The following PTPRM variants were observed in gnomAD, a reference collection of about 807,000 sequenced individuals.
PTPRM encodes the protein protein tyrosine phosphatase receptor type M, also known as receptor-type tyrosine-protein phosphatase mu.
PTPRM carries 47 observed loss-of-function variants against 186.7 expected under a neutral mutation model. The ratio of observed to expected loss-of-function variants is 0.25; its 90% CI spans 0.20 to 0.32. The LOEUF is 0.32. PTPRM is among the 10% of genes least tolerant of loss of function. The pLI is 1.00. For missense variants in PTPRM, 1,494 were observed against 1,865.0 expected (o/e 0.80, Z 3.66); for synonymous variants, 668 against 674.9 (o/e 0.99, Z 0.16).
chr18:8,017,460 G>C (rs1600092307), intron 7 of PTPRM, among the ~76,000 whole-genome samples: 2 of 151,750 alleles, frequency 1.3e-5, no homozygotes, highest in African/African-American at 2.4e-5. Context: ...ACATGCACCT[G>C]TAATCCCACC....
intron 13 of PTPRM, among the ~76,000 whole-genome samples, chr18:8,130,936 C>T (rs1239313949): frequency 6.6e-6 from 1 of 152,158 alleles, no homozygotes; most frequent in African/African-American, 2.4e-5. Flanking sequence ...GGTGAGACAT[C>T]GAGTGCAAAA....
intron 1 of PTPRM, among the ~76,000 whole-genome samples, chr18:7,573,643 G>A (rs563382303): frequency 2.6e-5 from 4 of 152,118 alleles, no homozygotes; most frequent in Non-Finnish European, 5.9e-5. Context: ...AGGCTAGAGT[G>A]CAACTGAGTG....
chr18:7,979,738 C>T (rs923826591), intron 7 of PTPRM, among the ~76,000 whole-genome samples: 3 of 152,182 alleles, frequency 2.0e-5, no homozygotes, highest in Admixed American at 6.5e-5. Context: ...AGTGTTCCCT[C>T]GTCACCTTGC....
intron 7 of PTPRM, among the ~76,000 whole-genome samples, chr18:8,056,100 A>G (rs1222793123): frequency 6.6e-6 from 1 of 152,166 alleles, no homozygotes; most frequent in Admixed American, 6.5e-5. Context: ...AGAAATTGTA[A>G]TAATTACTTT....
At chr18:8,209,989 TAAAAAAAAAAA>T (rs67547673) in intron 14 of PTPRM, among the ~76,000 whole-genome samples, 20,333 of 79,190 alleles carry the variant, frequency 0.26, 1,742 homozygotes, top group Non-Finnish European at 0.29. Flanking sequence ...GAAGTAAAAT[TAAAAAAAAAAA>T]AAAAAAAAAA....
chr18:8,254,076 A>G (rs151127028), intron 19 of PTPRM, among the ~76,000 whole-genome samples: 333 of 152,256 alleles, frequency 2.2e-3, no homozygotes, highest in African/African-American at 7.8e-3. Flanking sequence ...ACTTAAAGCA[A>G]TTATAGACCA....
intron 14 of PTPRM, among the ~76,000 whole-genome samples, chr18:8,242,028 C>T (rs2094438243): frequency 6.6e-6 from 1 of 152,072 alleles, no homozygotes; most frequent in African/African-American, 2.4e-5. Context: ...CCAGTACAAG[C>T]ATAGCTTTTA....
At chr18:8,268,948 T>C (rs1470023754) in intron 19 of PTPRM, among the ~76,000 whole-genome samples, 1 of 151,922 alleles carries the variant, frequency 6.6e-6, no homozygotes, top group Non-Finnish European at 1.5e-5. Flanking sequence ...AGGCCGTATA[T>C]AAAGTTTCCA....
intron 1 of PTPRM, among the ~76,000 whole-genome samples, chr18:7,636,050 T>G (rs1383083543): frequency 1.3e-5 from 2 of 152,228 alleles, no homozygotes; most frequent in African/African-American, 4.8e-5. Context: ...CAAACGCTTC[T>G]GTTTTCTGAC....
chr18:7,983,170 G>A (rs1435701012), intron 7 of PTPRM, among the ~76,000 whole-genome samples: 1 of 152,154 alleles, frequency 6.6e-6, no homozygotes, highest in East Asian at 1.9e-4. Flanking sequence ...GTGAGCCAGA[G>A]GCGGGCGAGC....
chr18:7,921,478 A>T (rs1342081221), intron 4 of PTPRM, among the ~76,000 whole-genome samples: 12 of 150,810 alleles, frequency 8.0e-5, no homozygotes, highest in Non-Finnish European at 1.8e-4. Context: ...CCTCCCGGGT[A>T]CATGCCATTC....
intron 31 of PTPRM, among the ~76,000 whole-genome samples, chr18:8,390,832 G>T (rs2095806620): frequency 6.6e-6 from 1 of 152,012 alleles, no homozygotes. Flanking sequence ...GGAGGCTGAG[G>T]CAGGAAAATG....
chr18:7,641,493 C>T (rs1382915353), intron 1 of PTPRM, among the ~76,000 whole-genome samples: 1 of 152,216 alleles, frequency 6.6e-6, no homozygotes, highest in East Asian at 1.9e-4. Context: ...AAAAAACACA[C>T]ATCTTCCAGA....
chr18:8,141,205 C>T (rs1014586166), intron 13 of PTPRM, among the ~76,000 whole-genome samples: 4 of 152,152 alleles, frequency 2.6e-5, no homozygotes, highest in South Asian at 2.1e-4. Flanking sequence ...TCAGGTTATC[C>T]GAGGGCTGTT....
At chr18:7,697,507 G>T (rs1396134828) in intron 1 of PTPRM, among the ~76,000 whole-genome samples, 2 of 152,144 alleles carry the variant, frequency 1.3e-5, no homozygotes, top group African/African-American at 2.4e-5. Context: ...TTGTCCAGTA[G>T]GGCGATGAAA....
intron 14 of PTPRM, among the ~76,000 whole-genome samples, chr18:8,231,402 C>T (rs1401155408): frequency 6.6e-6 from 1 of 152,140 alleles, no homozygotes; most frequent in African/African-American, 2.4e-5. Context: ...GGAGTGATTT[C>T]TTCTTCCTTC....
At chr18:7,679,848 T>C (rs890542154) in intron 1 of PTPRM, among the ~76,000 whole-genome samples, 9 of 151,840 alleles carry the variant, frequency 5.9e-5, no homozygotes, top group African/African-American at 1.9e-4. Context: ...ACTTTGACAA[T>C]AGACTTTTTT....
At chr18:7,676,671 G>A (rs1330265281) in intron 1 of PTPRM, among the ~76,000 whole-genome samples, 4 of 150,234 alleles carry the variant, frequency 2.7e-5, no homozygotes, top group African/African-American at 9.8e-5. Flanking sequence ...GTATGTGTGT[G>A]TGTGTGTGTG....
chr18:8,098,124 G>T (rs2091101229), intron 11 of PTPRM, among the ~76,000 whole-genome samples: 2 of 152,114 alleles, frequency 1.3e-5, no homozygotes, highest in Non-Finnish European at 2.9e-5. Context: ...ACCATCTAGG[G>T]TTTTGTAAGT....
Sources: allele counts gnomAD v4.1 joint callset (sites outside exome capture counted in the v4.1 genomes callset), GRCh38; gene constraint gnomAD v4.1.1; transcripts MANE v1.5; gene names NCBI Gene and HGNC (gene_info 2026-07-23, HGNC 2026-07-21).